Variants in IL1RAPL1 observed in about 807,000 individuals in gnomAD.
The protein encoded by IL1RAPL1 is interleukin-1 receptor accessory protein-like 1.
A neutral mutation model predicts 48.4 loss-of-function variants in IL1RAPL1; 3 were observed. The observed-to-expected ratio is 0.06, with a 90% CI of 0.03 to 0.16. The LOEUF (loss-of-function observed/expected upper bound fraction) is 0.16. Ranked by LOEUF, IL1RAPL1 falls within the 10% of genes least tolerant of loss-of-function variation. The pLI is 1.00. For synonymous variants in IL1RAPL1, 185 were observed against 187.7 expected (o/e 0.99, Z 0.12); for missense variants, 349 against 530.6 (o/e 0.66, Z 3.36).
intron 2 of IL1RAPL1, among the ~76,000 whole-genome samples, chrX:29,056,095 A>G (rs1363977034): frequency 1.8e-5 from 2 of 111,901 alleles, no homozygotes; most frequent in East Asian, 2.8e-4. Flanking sequence ...TTGATAAACT[A>G]TTTGTTATTT....
intron 5 of IL1RAPL1, among the ~76,000 whole-genome samples, chrX:29,633,810 T>C (rs1234287151): frequency 9.3e-6 from 1 of 107,408 alleles, no homozygotes; most frequent in African/African-American, 3.7e-5. Flanking sequence ...TTCCTTCCTG[T>C]GTTCTCTTCT....
At chrX:28,600,299 A>G (rs890656952) in intron 1 of IL1RAPL1, among the ~76,000 whole-genome samples, 2 of 112,023 alleles carry the variant, frequency 1.8e-5, no homozygotes, top group African/African-American at 6.5e-5. Flanking sequence ...TGATTTTCTC[A>G]GGAATGTAGT....
At chrX:29,460,954 C>CT (rs760446366) in intron 5 of IL1RAPL1, among the ~76,000 whole-genome samples, 3 of 110,482 alleles carry the variant, frequency 2.7e-5, no homozygotes, top group Non-Finnish European at 3.8e-5. Context: ...AAATTAAACA[C>CT]TTTTTTTTTC....
chrX:29,216,516 C>T (rs947604022), intron 2 of IL1RAPL1, among the ~76,000 whole-genome samples: 3 of 111,257 alleles, frequency 2.7e-5, no homozygotes, highest in Non-Finnish European at 5.7e-5. Flanking sequence ...TTTTCTACAG[C>T]AGTGATTTTC....
intron 1 of IL1RAPL1, among the ~76,000 whole-genome samples, chrX:28,619,316 C>T (rs1253901436): frequency 1.8e-5 from 2 of 110,394 alleles, no homozygotes; most frequent in Non-Finnish European, 3.8e-5. Flanking sequence ...ACCTGAAGGC[C>T]AGGCATGGTG....
At chrX:29,728,265 A>G (rs904089554) in intron 6 of IL1RAPL1, among the ~76,000 whole-genome samples, 3 of 111,619 alleles carry the variant, frequency 2.7e-5, no homozygotes, top group Non-Finnish European at 3.8e-5. Context: ...TTCTTTACAC[A>G]TAATTCCAAA....
chrX:29,211,851 C>T (rs1762503619), intron 2 of IL1RAPL1, among the ~76,000 whole-genome samples: 1 of 111,421 alleles, frequency 9.0e-6, no homozygotes, highest in Non-Finnish European at 1.9e-5. Flanking sequence ...TTCCTGATCT[C>T]TACATATTGG....
chrX:29,875,894 GT>G (rs201916042), intron 6 of IL1RAPL1, among the ~76,000 whole-genome samples: 1,337 of 111,851 alleles, frequency 0.012, 11 homozygotes, highest in Admixed American at 0.014. Flanking sequence ...GTTCACGTTT[GT>G]TTCTGCCCTC....
intron 2 of IL1RAPL1, among the ~76,000 whole-genome samples, chrX:29,109,608 C>G (rs1162729183): frequency 2.7e-5 from 3 of 111,106 alleles, no homozygotes; most frequent in African/African-American, 9.8e-5. Context: ...GAGGACAGAG[C>G]ACTGCTGTCT....
chrX:29,012,893 C>T (rs768681028), intron 2 of IL1RAPL1, among the ~76,000 whole-genome samples: 12 of 111,687 alleles, frequency 1.1e-4, no homozygotes, highest in Admixed American at 6.7e-4. Context: ...AACCATTGAA[C>T]CCAGATTAGT....
At chrX:29,359,623 A>G (rs1449517556) in intron 3 of IL1RAPL1, among the ~76,000 whole-genome samples, 2 of 111,881 alleles carry the variant, frequency 1.8e-5, no homozygotes, top group Middle Eastern at 4.6e-3. Context: ...TACTCCAATG[A>G]TATATAGCTA....
At chrX:29,108,740 G>A (rs1928499131) in intron 2 of IL1RAPL1, among the ~76,000 whole-genome samples, 1 of 111,191 alleles carries the variant, frequency 9.0e-6, no homozygotes, top group Admixed American at 9.7e-5. Flanking sequence ...TTTAGTATAC[G>A]TCTTTGAGTA....
intron 5 of IL1RAPL1, among the ~76,000 whole-genome samples, chrX:29,446,607 C>G (rs1419696324): frequency 8.9e-6 from 1 of 111,817 alleles, no homozygotes; most frequent in Non-Finnish European, 1.9e-5. Flanking sequence ...TGTCAGGTAG[C>G]AGTTTTCTTT....
chrX:29,869,186 G>A (rs181669113), intron 6 of IL1RAPL1, among the ~76,000 whole-genome samples: 18 of 112,175 alleles, frequency 1.6e-4, no homozygotes, highest in African/African-American at 5.2e-4. Flanking sequence ...ACATTTCAAC[G>A]TTTTAAAACA....
At position 29,819,335 on chromosome X, in the gene IL1RAPL1, A is replaced by G. The variant is rs769636308; in HGVS notation, c.779-98129A>G. On this transcript the variant is annotated intron_variant, in intron 6 of 10. Transcript: ENST00000378993. ...CTTTTGACTACATACAACCAGATGA[A>G]AAAAGACGTTAACTAGAGGGAAATT... Among the ~76,000 whole-genome samples, 5 of 111,642 alleles carry G rather than the reference A, an allele frequency of 4.5e-5. No homozygotes were observed. The South Asian group carries it at 1.9e-3, about 42-fold the overall frequency.
chrX:29,367,594 T>G (rs1464597465), intron 3 of IL1RAPL1, among the ~76,000 whole-genome samples: 1 of 107,902 alleles, frequency 9.3e-6, no homozygotes, highest in Non-Finnish European at 1.9e-5. Context: ...ATTTATTTAT[T>G]TATTGAGATG....
chrX:29,131,505 C>A (rs1929022088), intron 2 of IL1RAPL1, among the ~76,000 whole-genome samples: 1 of 110,800 alleles, frequency 9.0e-6, no homozygotes, highest in Non-Finnish European at 1.9e-5. Flanking sequence ...GGAAAACCTA[C>A]CTGTTGGCTG....
At chrX:28,781,912 A>T (rs2147262020) in intron 1 of IL1RAPL1, among the ~76,000 whole-genome samples, 1 of 112,195 alleles carries the variant, frequency 8.9e-6, no homozygotes, top group African/African-American at 3.2e-5. Flanking sequence ...CATTTAAATA[A>T]CTTTGATTAC....
intron 6 of IL1RAPL1, among the ~76,000 whole-genome samples, chrX:29,892,334 A>C (rs1459964096): frequency 8.9e-6 from 1 of 112,127 alleles, no homozygotes; most frequent in Admixed American, 9.5e-5. Context: ...AAAAAATATC[A>C]GGTATTTCTT....
Sources: allele counts gnomAD v4.1 joint callset (sites outside exome capture counted in the v4.1 genomes callset), GRCh38; gene constraint gnomAD v4.1.1; transcripts MANE v1.5; gene names NCBI Gene and HGNC (gene_info 2026-07-23, HGNC 2026-07-21).